The following CACNA2D1 variants were observed in gnomAD, a reference collection of about 807,000 sequenced individuals.
The protein encoded by CACNA2D1 is calcium voltage-gated channel auxiliary subunit alpha2delta 1, also known as voltage-dependent calcium channel subunit alpha-2/delta-1.
A neutral mutation model predicts 171.5 loss-of-function variants in CACNA2D1; 53 were observed. The ratio of observed to expected loss-of-function variants is 0.31; its 90% confidence interval spans 0.25 to 0.39. CACNA2D1 has a LOEUF of 0.39. CACNA2D1 is among the 10% of genes least tolerant of loss of function. The probability of loss-of-function intolerance (pLI) is 1.00; values close to 1 mark genes in which losing one functional copy is unlikely to be tolerated. For missense variants in CACNA2D1, 903 were observed against 1,299.8 expected, an observed-to-expected ratio of 0.69 and a Z score of 4.69; for synonymous variants, 442 against 443.1, an observed-to-expected ratio of 1.00 and a Z score of 0.03.
chr7:82,093,915 A>T (rs1402685031), intron 6 of CACNA2D1, among the ~76,000 whole-genome samples: 1 of 152,176 alleles, frequency 6.6e-6, no homozygotes, highest in Non-Finnish European at 1.5e-5. Flanking sequence ...CTTTGCTGTG[A>T]GACTGCCCAA....
chr7:82,161,815 A>G (rs981487872), intron 4 of CACNA2D1, among the ~76,000 whole-genome samples: 2 of 152,048 alleles, frequency 1.3e-5, no homozygotes, highest in African/African-American at 4.8e-5. Flanking sequence ...TATTACATGT[A>G]AATCCAACAA....
At chr7:82,128,110 T>G (rs1319444943) in intron 5 of CACNA2D1, among the ~76,000 whole-genome samples, 1 of 149,410 alleles carries the variant, frequency 6.7e-6, no homozygotes, top group Non-Finnish European at 1.5e-5. Context: ...TTTTTTTTTT[T>G]GTAGAGACAG....
intron 4 of CACNA2D1, among the ~76,000 whole-genome samples, chr7:82,144,205 G>A (rs142736932): frequency 2.9e-4 from 44 of 152,054 alleles, no homozygotes; most frequent in Admixed American, 8.5e-4. Context: ...TCTTAAGCTA[G>A]TAAGAATTTG....
chr7:82,375,751 A>G (rs1192329692), intron 1 of CACNA2D1, among the ~76,000 whole-genome samples: 1 of 152,148 alleles, frequency 6.6e-6, no homozygotes, highest in Non-Finnish European at 1.5e-5. Context: ...GTGCTTAGTA[A>G]ATATATTCAA....
rs534628267 is a variant in CACNA2D1, at chr7:82,259,960, T to C, written c.294+75175A>G. 2.1e-3 allele frequency among the ~76,000 whole-genome samples: 316 copies of C among 152,314 alleles called. 1 individual carries two copies. Among genetic ancestry groups the C allele is most frequent in the Admixed American group, 3.4e-3 (52 of 15,290 alleles). ...ACTTAGGGCTGGACACGGTGGCTCATGCCTATAATCCCAACACTTTGGGAG... is the reference window on the plus strand; with the variant it reads ...ACTTAGGGCTGGACACGGTGGCTCACGCCTATAATCCCAACACTTTGGGAG... On this transcript the variant is annotated intron_variant, in intron 3 of 38. Coordinates refer to ENST00000356860, the MANE Select transcript of CACNA2D1 (RefSeq NM_000722.4).
intron 5 of CACNA2D1, among the ~76,000 whole-genome samples, chr7:82,133,051 T>C (rs1791185113): frequency 1.3e-5 from 2 of 152,204 alleles, no homozygotes; most frequent in Non-Finnish European, 2.9e-5. Flanking sequence ...TGGTTTTTTA[T>C]TTTATAAAGC....
At chr7:82,100,150 G>A (rs1240195907) in intron 6 of CACNA2D1, among the ~76,000 whole-genome samples, 1 of 152,142 alleles carries the variant, frequency 6.6e-6, no homozygotes, top group African/African-American at 2.4e-5. Context: ...AATTTTTTGT[G>A]TGTGTGTGAG....
At chr7:82,349,472 T>C (rs1031003132) in intron 2 of CACNA2D1, 96 bp downstream of exon 2, 2 of 973,616 alleles carry the variant, frequency 2.1e-6, no homozygotes, top group South Asian at 1.3e-5. Context: ...AGAAATCATA[T>C]CCCATTTGTA....
Position 81,965,685 on chromosome 7 carries a change from A to G in CACNA2D1, c.2503-20T>C. The G allele has an allele frequency of 6.8e-7, 1 of 1,472,062 alleles. No homozygotes were observed. The highest frequency in any genetic ancestry group is 9.5e-7 in the Non-Finnish European group (1 of 1,051,420). 91.2% of individuals were successfully genotyped at this position (1,472,062 alleles called of 1,614,324 possible). The stretch of plus-strand genomic sequence containing the variant: ...CATTACCTATCAAAATAAAGTGAAC[A>G]GTTAACACATTTTTAGAAAGGTTAG... On this transcript the variant is annotated intron_variant, in intron 31 of 38. Transcript: ENST00000356860.
chr7:82,112,326 A>G (rs1788567724), intron 6 of CACNA2D1, among the ~76,000 whole-genome samples: 1 of 152,214 alleles, frequency 6.6e-6, no homozygotes, highest in African/African-American at 2.4e-5. Context: ...ATTACAAAGA[A>G]TAACATTATA....
intron 10 of CACNA2D1, among the ~76,000 whole-genome samples, chr7:82,044,646 A>G (rs1804339494): frequency 6.6e-6 from 1 of 152,208 alleles, no homozygotes; most frequent in East Asian, 1.9e-4. Context: ...GTAAGTACAA[A>G]CACAAATTAT....
At chr7:82,440,768 T>A (rs1428658806) in intron 1 of CACNA2D1, among the ~76,000 whole-genome samples, 1 of 151,838 alleles carries the variant, frequency 6.6e-6, no homozygotes, top group Non-Finnish European at 1.5e-5. Context: ...ACATCATTTG[T>A]TTTACCATAA....
intron 1 of CACNA2D1, among the ~76,000 whole-genome samples, chr7:82,408,894 C>T (rs1221313213): frequency 1.3e-5 from 2 of 152,124 alleles, no homozygotes; most frequent in Non-Finnish European, 2.9e-5. Context: ...ACCAACAAAG[C>T]TTCAAAGATA....
chr7:82,067,650 G>C (rs1171893136), intron 7 of CACNA2D1, among the ~76,000 whole-genome samples: 1 of 152,112 alleles, frequency 6.6e-6, no homozygotes, highest in Non-Finnish European at 1.5e-5. Flanking sequence ...CAATGTAACT[G>C]AAATGGTGAG....
At chr7:82,025,147 T>C (rs1302188261) in intron 12 of CACNA2D1, among the ~76,000 whole-genome samples, 1 of 151,716 alleles carries the variant, frequency 6.6e-6, no homozygotes, top group Non-Finnish European at 1.5e-5. Flanking sequence ...TAGTTTTATA[T>C]GTATTTTAGA....
chr7:82,063,478 A>C (rs1807204495), intron 9 of CACNA2D1, among the ~76,000 whole-genome samples: 1 of 152,158 alleles, frequency 6.6e-6, no homozygotes, highest in Admixed American at 6.6e-5. Context: ...AAAATGGGGA[A>C]AATTCAAATG....
intron 6 of CACNA2D1, among the ~76,000 whole-genome samples, chr7:82,085,954 T>C (rs1406579432): frequency 2.0e-5 from 3 of 152,248 alleles, no homozygotes; most frequent in East Asian, 3.9e-4. Context: ...ATACTAAAAA[T>C]TTAATTGGCC....
At chr7:82,289,977 C>T (rs1227964355) in intron 3 of CACNA2D1, among the ~76,000 whole-genome samples, 1 of 152,204 alleles carries the variant, frequency 6.6e-6, no homozygotes, top group Non-Finnish European at 1.5e-5. Flanking sequence ...GTAGAACCTA[C>T]ATTACTGTTG....
At chr7:81,957,721 C>CA (rs1793581075) in intron 38 of CACNA2D1, among the ~76,000 whole-genome samples, 1 of 152,110 alleles carries the variant, frequency 6.6e-6, no homozygotes, top group African/African-American at 2.4e-5. Flanking sequence ...GCTAAAGAAA[C>CA]ACAAGATATT....
Sources: allele counts gnomAD v4.1 joint callset (sites outside exome capture counted in the v4.1 genomes callset), GRCh38; gene constraint gnomAD v4.1.1; transcripts MANE v1.5; gene names NCBI Gene and HGNC (gene_info 2026-07-23, HGNC 2026-07-21).